The following AOAH variants were observed in gnomAD, a reference collection of about 807,000 sequenced individuals.
AOAH encodes acyloxyacyl hydrolase (neutrophil).
AOAH carries 64 observed loss-of-function variants against 92.2 expected under a neutral mutation model. The observed-to-expected ratio is 0.69, with a 90% confidence interval of 0.57 to 0.86. The LOEUF (loss-of-function observed/expected upper bound fraction) is 0.86, where lower values mean the gene tolerates loss of function less well. Ranked by LOEUF, AOAH falls within the 40% of genes least tolerant of loss-of-function variation. AOAH has a pLI of 0.00. For synonymous variants in AOAH, 263 were observed against 254.5 expected (o/e 1.03, Z -0.32); for missense variants, 656 against 694.6 (o/e 0.94, Z 0.62).
chr7:36,558,664 C>G (rs1315045403), intron 13 of AOAH, among the ~76,000 whole-genome samples: 1 of 152,392 alleles, frequency 6.6e-6, no homozygotes, highest in East Asian at 1.9e-4. Context: ...TTTACCTAAG[C>G]AAGCCTGGGC....
At chr7:36,581,343 C>T (rs982781237) in intron 12 of AOAH, among the ~76,000 whole-genome samples, 3 of 152,184 alleles carry the variant, frequency 2.0e-5, no homozygotes, top group African/African-American at 4.8e-5. Flanking sequence ...TTGTTCTCTT[C>T]GTCCTCTTGG....
At chr7:36,564,193 A>G (rs1281357123) in intron 13 of AOAH, among the ~76,000 whole-genome samples, 1 of 152,004 alleles carries the variant, frequency 6.6e-6, no homozygotes, top group African/African-American at 2.4e-5. Flanking sequence ...ATTCCTATTT[A>G]TTTCTTCAGG....
intron 13 of AOAH, among the ~76,000 whole-genome samples, chr7:36,558,321 C>T (rs1161811652): frequency 6.6e-6 from 1 of 152,212 alleles, no homozygotes; most frequent in African/African-American, 2.4e-5. Context: ...ATGGTGGATG[C>T]TGCTGTCTGA....
intron 1 of AOAH, among the ~76,000 whole-genome samples, chr7:36,713,746 A>C (rs781363140): frequency 5.1e-4 from 78 of 152,344 alleles, no homozygotes; most frequent in Non-Finnish European, 6.8e-4. Context: ...TAACATAATG[A>C]AGGCAGAAAT....
Position 36,534,209 on chromosome 7 carries a change from C to T in AOAH, c.1307-1865G>A, listed in dbSNP as rs115140352. ...GAAGGCCCACCCTGGCCTTGCTCCA[C>T]GCTGCCTGATGCCCTCTCCTGCTGT... On this transcript the variant is annotated intron_variant, in intron 16 of 20. Transcript: ENST00000617537. Among the ~76,000 whole-genome samples the T allele has an allele frequency of 3.0e-3, 462 of 152,316 alleles. 1 individual carries two copies. Among genetic ancestry groups the T allele is most frequent in the African/African-American group, 0.01 (434 of 41,570 alleles).
Position 36,549,463 on chromosome 7 carries a change from C to T in AOAH, c.1034G>A (p.Arg345Gln), listed in dbSNP as rs770312641. ...CCTTTCTATAAATTTCTTCAGGTTT[C>T]GGGAAGATGCACCTGAATAATTAAA... ...QNISRNGASS[R>Q]NLKKFIESLS... The change falls in exon 14 of 21, where the codon CGA becomes CAA. Residue 345 changes from arginine (R) to glutamine (Q), a missense_variant. Arg to Gln is a conservative substitution (Grantham distance 43, BLOSUM62 1). Transcript: ENST00000617537. 49 of 1,594,446 alleles carry T rather than the reference C, an allele frequency of 3.1e-5. No homozygotes were observed. Among genetic ancestry groups the T allele is most frequent in the South Asian group, 6.7e-5 (6 of 89,090 alleles).
intron 1 of AOAH, chr7:36,690,309 C>A: frequency 2.8e-6 from 1 of 356,378 alleles, no homozygotes; most frequent in South Asian, 2.3e-5. Flanking sequence ...AAGGACCCTG[C>A]AGGAAAGGCC....
chr7:36,569,464 T>G (rs1371635522), intron 13 of AOAH, among the ~76,000 whole-genome samples: 1 of 137,134 alleles, frequency 7.3e-6, no homozygotes, highest in Non-Finnish European at 1.6e-5. Context: ...TTTATTTACT[T>G]AAAAAAATCT....
intron 3 of AOAH, among the ~76,000 whole-genome samples, chr7:36,670,587 G>A (rs951588536): frequency 2.6e-5 from 4 of 152,144 alleles, no homozygotes; most frequent in Non-Finnish European, 5.9e-5. Flanking sequence ...CGATTCCCCT[G>A]CCTCAAGCTC....
intron 9 of AOAH, among the ~76,000 whole-genome samples, chr7:36,620,323 C>T (rs1218320538): frequency 2.6e-5 from 4 of 151,936 alleles, no homozygotes; most frequent in Non-Finnish European, 4.4e-5. Context: ...GAAACTAGGA[C>T]ACCAGCATTA....
At chr7:36,625,786 G>T (rs1357638811) in intron 6 of AOAH, among the ~76,000 whole-genome samples, 1 of 152,156 alleles carries the variant, frequency 6.6e-6, no homozygotes, top group African/African-American at 2.4e-5. Context: ...GAAGCTTCCC[G>T]AGTGGGCTCA....
At chr7:36,606,686 C>T (rs976055466) in intron 11 of AOAH, among the ~76,000 whole-genome samples, 2 of 152,034 alleles carry the variant, frequency 1.3e-5, no homozygotes, top group Non-Finnish European at 2.9e-5. Context: ...TTGCTGGCCT[C>T]AATGATCTTT....
intron 6 of AOAH, among the ~76,000 whole-genome samples, 190 bp downstream of exon 6, chr7:36,631,846 T>C (rs1793133167): frequency 6.6e-6 from 1 of 152,190 alleles, no homozygotes; most frequent in African/African-American, 2.4e-5. Context: ...TGGCATTCAG[T>C]ATATTTCCCA....
rs547043506 is a variant in AOAH at position 36,616,048 on chromosome 7, G to A, written c.846+332C>T. On this transcript the variant is annotated intron_variant, in intron 11 of 20. Coordinates refer to ENST00000617537, the MANE Select transcript of AOAH (RefSeq NM_001637.4). Reference sequence around the variant, plus strand: ...TCTTGCTTGCTCAGACGAAAAACAAGCTGGACAGGCCCCGGAGTGCCTCAT... The same window carrying A: ...TCTTGCTTGCTCAGACGAAAAACAAACTGGACAGGCCCCGGAGTGCCTCAT... Among the ~76,000 whole-genome samples, 3 of 152,314 alleles carry A rather than the reference G, an allele frequency of 2.0e-5. No homozygotes were observed. In the East Asian group the frequency reaches 5.8e-4, roughly 29 times the overall value.
intron 1 of AOAH, among the ~76,000 whole-genome samples, chr7:36,703,336 C>T (rs907633022): frequency 3.9e-5 from 6 of 152,018 alleles, no homozygotes; most frequent in African/African-American, 7.2e-5. Flanking sequence ...TTTACTTTTC[C>T]GAGATTCATC....
intron 3 of AOAH, among the ~76,000 whole-genome samples, chr7:36,665,635 GCTT>G (rs892231721): frequency 5.3e-5 from 8 of 152,128 alleles, no homozygotes; most frequent in African/African-American, 1.7e-4. Context: ...TAGTGGGAAA[GCTT>G]CTAGTTCTCA....
chr7:36,594,289 T>C (rs777412192), intron 12 of AOAH, 50 bp downstream of exon 12: 1 of 1,438,488 alleles, frequency 7.0e-7, no homozygotes, highest in Non-Finnish European at 9.8e-7. Context: ...CTCTTGTTCT[T>C]TCCTTACACA....
intron 19 of AOAH, among the ~76,000 whole-genome samples, chr7:36,524,182 T>G (rs1486388187): frequency 2.0e-5 from 3 of 152,112 alleles, no homozygotes. Flanking sequence ...GTTGTACAGA[T>G]GCTAACAGAA....
At chr7:36,622,646 A>G (rs1792364871) in intron 7 of AOAH, among the ~76,000 whole-genome samples, 1 of 152,248 alleles carries the variant, frequency 6.6e-6, no homozygotes, top group African/African-American at 2.4e-5. Flanking sequence ...CAAGGCAACC[A>G]TAGCCCCCAT....
Sources: allele counts gnomAD v4.1 joint callset (sites outside exome capture counted in the v4.1 genomes callset), GRCh38; gene constraint gnomAD v4.1.1; transcripts MANE v1.5; gene names NCBI Gene and HGNC (gene_info 2026-07-23, HGNC 2026-07-21).